LRRC53: variants seen among roughly 807,000 people sequenced by gnomAD.
LRRC53 encodes leucine-rich repeat-containing protein 53.
A neutral mutation model predicts 13.6 loss-of-function variants in LRRC53; 25 were observed. The ratio of observed to expected loss-of-function variants is 1.83; its 90% CI spans 1.34 to 2.56. The LOEUF (loss-of-function observed/expected upper bound fraction) is 2.56. Among genes scored for constraint, LRRC53 ranks in the 30% most tolerant of loss-of-function variants. The pLI is 0.00. For synonymous variants in LRRC53, 204 were observed against 109.8 expected (o/e 1.86, Z -5.37); for missense variants, 527 against 275.8 (o/e 1.91, Z -6.45).
chr1:74,508,237 C>T (rs563624748), intron 1 of LRRC53, among the ~76,000 whole-genome samples: 34 of 152,276 alleles, frequency 2.2e-4, no homozygotes, highest in African/African-American at 7.7e-4. Flanking sequence ...TGTAACAAAC[C>T]TGCACCTTGT....
At chr1:74,473,978 A>C (rs1668062353) in intron 4 of LRRC53, among the ~76,000 whole-genome samples, 2 of 152,158 alleles carry the variant, frequency 1.3e-5, no homozygotes, top group African/African-American at 4.8e-5. Flanking sequence ...GTTCTGGAGC[A>C]GATGTGACCT....
intron 1 of LRRC53, among the ~76,000 whole-genome samples, chr1:74,486,951 A>G (rs1008402261): frequency 6.6e-6 from 1 of 152,186 alleles, no homozygotes; most frequent in Non-Finnish European, 1.5e-5. Context: ...GATCTTTGTA[A>G]CCTTGACAAG....
intron 1 of LRRC53, among the ~76,000 whole-genome samples, chr1:74,500,528 C>T (rs1228640088): frequency 1.2e-4 from 16 of 137,926 alleles, no homozygotes; most frequent in African/African-American, 3.2e-4. Context: ...GGCGTGAACC[C>T]GGGAGGCGGA....
chr1:74,508,443 C>A (rs1670017629), intron 1 of LRRC53, among the ~76,000 whole-genome samples: 1 of 152,080 alleles, frequency 6.6e-6, no homozygotes, highest in African/African-American at 2.4e-5. Flanking sequence ...AAAATAAAGT[C>A]CCCAAAATAC....
At chr1:74,485,887 A>C (rs1043592930) in intron 1 of LRRC53, among the ~76,000 whole-genome samples, 2 of 152,150 alleles carry the variant, frequency 1.3e-5, no homozygotes, top group African/African-American at 4.8e-5. Context: ...TACTGCCAAC[A>C]ACCAATGCGC....
chr1:74,472,278 T>C (rs1667974612), intron 4 of LRRC53, 77 bp from the exon 5 acceptor site: 1 of 673,972 alleles, frequency 1.5e-6, no homozygotes, highest in East Asian at 2.7e-5. Flanking sequence ...GTAGAAACCT[T>C]ATGAAAAGTA....
Position 74,492,222 on chromosome 1 carries a change from G to C in LRRC53, c.-26-8847C>G. ...CAGCATTAAGAAGTCGTTTCGAATTGGAATATGCTCTAAATGCAAGGTCCT... is the reference window on the plus strand; with the variant it reads ...CAGCATTAAGAAGTCGTTTCGAATTCGAATATGCTCTAAATGCAAGGTCCT... On this transcript the variant is annotated intron_variant, in intron 1 of 4. Transcript: ENST00000294635. The C allele has an allele frequency of 2.5e-6, 4 of 1,612,362 alleles. No homozygotes were observed. In the South Asian group the frequency reaches 4.4e-5, roughly 18 times the overall value.
chr1:74,480,989 A>G, intron 2 of LRRC53, 21 bp from the exon 3 acceptor site: 1 of 693,932 alleles, frequency 1.4e-6, no homozygotes, highest in Non-Finnish European at 2.7e-6. Context: ...AAAAGCACAG[A>G]CTAGATGCAG....
the LRRC53 span, among the ~76,000 whole-genome samples, chr1:74,522,490 T>C: frequency 6.6e-6 from 1 of 152,082 alleles, no homozygotes; most frequent in African/African-American, 2.4e-5. Flanking sequence ...TAGTACGAGT[T>C]GCATGACTAA....
intron 1 of LRRC53, chr1:74,491,974 G>C: frequency 1.5e-6 from 2 of 1,337,864 alleles, no homozygotes; most frequent in Non-Finnish European, 2.0e-6. Flanking sequence ...CCAGGAGCAA[G>C]CTGAGTGAAT....
intron 1 of LRRC53, among the ~76,000 whole-genome samples, chr1:74,501,612 G>A (rs371713950): frequency 4.6e-5 from 7 of 152,058 alleles, no homozygotes; most frequent in Admixed American, 2.0e-4. Flanking sequence ...TCAGCCTCCC[G>A]AGTAGCTGGG....
At chr1:74,485,063 T>C (rs540235625) in intron 1 of LRRC53, among the ~76,000 whole-genome samples, 1 of 152,312 alleles carries the variant, frequency 6.6e-6, no homozygotes, top group Admixed American at 6.5e-5. Flanking sequence ...TGGAATGTGC[T>C]AGGTGTCTAA....
chr1:74,516,974 T>C (rs1477717565), upstream of LRRC53, among the ~76,000 whole-genome samples: 1 of 152,208 alleles, frequency 6.6e-6, no homozygotes, highest in East Asian at 1.9e-4. Flanking sequence ...TTTACAGTCA[T>C]GCTCCCATGA....
At chr1:74,515,521 T>C (rs1646337048), upstream of LRRC53, among the ~76,000 whole-genome samples, 1 of 152,124 alleles carries the variant, frequency 6.6e-6, no homozygotes, top group South Asian at 2.1e-4. Flanking sequence ...TCTCTGATGG[T>C]TGCTGTTGGC....
chr1:74,511,263 G>T (rs1277409417), intron 1 of LRRC53, among the ~76,000 whole-genome samples: 1 of 151,798 alleles, frequency 6.6e-6, no homozygotes, highest in East Asian at 1.9e-4. Context: ...TGCGATCTCG[G>T]CTCACCACAA....
chr1:74,502,663 T>A (rs1669694158), intron 1 of LRRC53, among the ~76,000 whole-genome samples: 2 of 152,354 alleles, frequency 1.3e-5, no homozygotes, highest in South Asian at 2.1e-4. Context: ...TACTTCCCTC[T>A]GTCTATGGCC....
chr1:74,517,714 A>G, the LRRC53 span, among the ~76,000 whole-genome samples: 1 of 152,154 alleles, frequency 6.6e-6, no homozygotes, highest in South Asian at 2.1e-4. Flanking sequence ...CGACTGGTAA[A>G]CCGAAAAAGG....
Position 74,475,238 on chromosome 1 carries a change from T to C in LRRC53, c.1420+57A>G, listed in dbSNP as rs1046842466. 19 of 614,000 alleles carry C rather than the reference T, an allele frequency of 3.1e-5. No individual in the cohort carries two copies. The African/African-American group carries it at 3.2e-4, about 10-fold the overall frequency. 38.0% of individuals were successfully genotyped at this position (614,000 alleles called of 1,614,324 possible). A position where few individuals can be genotyped will look rare whatever the true frequency, so the allele number is the denominator to read the frequency against. ...GTTGAGGAAATTAAAGGAGGGAGGC[T>C]CCCTCCTTCAAAAAGAATTAAACGG... is the stretch of plus-strand genomic sequence containing the variant. On this transcript the variant is annotated intron_variant, in intron 4 of 4. Coordinates refer to ENST00000294635, the MANE Select transcript of LRRC53 (RefSeq NM_001382280.1).
chr1:74,506,775 T>C (rs371930056), intron 1 of LRRC53, among the ~76,000 whole-genome samples: 1 of 152,326 alleles, frequency 6.6e-6, no homozygotes, highest in South Asian at 2.1e-4. Flanking sequence ...AATGTCACCT[T>C]GCTCTTATCT....
Sources: gnomAD v4.1 joint callset for allele counts (sites outside exome capture counted in the v4.1 genomes callset) on GRCh38, gnomAD v4.1.1 for gene constraint, MANE v1.5 for transcripts, NCBI Gene and HGNC (gene_info 2026-07-23, HGNC 2026-07-21) for gene names.